Variants in PRRG1 observed in about 807,000 individuals in gnomAD.
PRRG1 encodes proline rich and Gla domain 1.
Under a neutral mutation model 11.8 loss-of-function variants are expected in PRRG1, and 5 were observed. The ratio of observed to expected loss-of-function variants is 0.42; its 90% CI spans 0.22 to 0.89. The LOEUF (loss-of-function observed/expected upper bound fraction) is 0.89. Ranked by LOEUF, PRRG1 falls within the 40% of genes least tolerant of loss-of-function variation. PRRG1 has a pLI of 0.28. For missense variants in PRRG1, 155 were observed against 166.1 expected (o/e 0.93, Z 0.37); for synonymous variants, 66 against 60.4 (o/e 1.09, Z -0.43).
chrX:37,391,755 ATTGT>A (rs1215464860), intron 1 of PRRG1, among the ~76,000 whole-genome samples: 1 of 112,201 alleles, frequency 8.9e-6, no homozygotes, highest in East Asian at 2.8e-4. Context: ...GGGCATCTAG[ATTGT>A]TTGATGTGGT....
At chrX:37,392,213 T>A (rs1329587907) in intron 1 of PRRG1, among the ~76,000 whole-genome samples, 1 of 111,867 alleles carries the variant, frequency 8.9e-6, no homozygotes, top group African/African-American at 3.2e-5. Flanking sequence ...TATTAAAATA[T>A]AGCCACACAC....
intron 2 of PRRG1, among the ~76,000 whole-genome samples, chrX:37,424,674 T>C (rs1932752994): frequency 1.8e-5 from 2 of 109,470 alleles, no homozygotes; most frequent in African/African-American, 3.3e-5. Context: ...GAAATACTCA[T>C]TGAAGGCCTA....
At chrX:37,446,940 A>C (rs1933088130) in intron 3 of PRRG1, among the ~76,000 whole-genome samples, 2 of 111,748 alleles carry the variant, frequency 1.8e-5, no homozygotes, top group South Asian at 7.8e-4. Flanking sequence ...CGAGAAGGAC[A>C]CCAAGACATT....
At chrX:37,406,482 G>C in intron 2 of PRRG1, among the ~76,000 whole-genome samples, 1 of 109,996 alleles carries the variant, frequency 9.1e-6, no homozygotes, top group Non-Finnish European at 1.9e-5. Flanking sequence ...TCCCAGTATA[G>C]GGAGAGATGG....
chrX:37,369,956 T>G lies in PRRG1; in HGVS notation c.-42+20561T>G, dbSNP rs978665346. ...GAACTGTGAGTCCATTAAACCTCTG[T>G]TTTTTTTTTTAATAAATTACCCAGT... On this transcript the variant is annotated intron_variant, in intron 1 of 3. Transcript: ENST00000378628. Among the ~76,000 whole-genome samples the G allele has an allele frequency of 6.5e-4, 67 of 103,141 alleles. 1 individual carries two copies. The highest frequency in any genetic ancestry group is 2.0e-3 in the African/African-American group (57 of 28,779). 89.6% of individuals were successfully genotyped at this position (103,141 alleles called of 115,157 possible).
At chrX:37,413,253 T>C (rs1358960402) in intron 2 of PRRG1, among the ~76,000 whole-genome samples, 3 of 110,834 alleles carry the variant, frequency 2.7e-5, no homozygotes, top group Non-Finnish European at 5.7e-5. Flanking sequence ...CATTATAGTA[T>C]TATACAGAGT....
intron 3 of PRRG1, among the ~76,000 whole-genome samples, chrX:37,439,799 T>TA (rs1932941964): frequency 9.9e-6 from 1 of 100,504 alleles, no homozygotes; most frequent in African/African-American, 3.8e-5. Context: ...AATTCTTTTT[T>TA]TTTTTTTTTT....
intron 1 of PRRG1, among the ~76,000 whole-genome samples, chrX:37,384,131 T>C (rs1931245043): frequency 9.0e-6 from 1 of 111,435 alleles, no homozygotes; most frequent in African/African-American, 3.3e-5. Context: ...TTTTCCTCTT[T>C]TGAGAAGGGT....
At chrX:37,424,867 A>G in intron 2 of PRRG1, among the ~76,000 whole-genome samples, 1 of 111,578 alleles carries the variant, frequency 9.0e-6, no homozygotes, top group African/African-American at 3.2e-5. Context: ...AAAGTTTTTC[A>G]TTTCCTTCAA....
At chrX:37,428,594 C>T (rs1932796674) in intron 3 of PRRG1, among the ~76,000 whole-genome samples, 1 of 112,329 alleles carries the variant, frequency 8.9e-6, no homozygotes, top group African/African-American at 3.2e-5. Context: ...TGTGGCTTTG[C>T]AGGGTACAGC....
intron 3 of PRRG1, among the ~76,000 whole-genome samples, chrX:37,432,198 C>T (rs1282589976): frequency 9.1e-6 from 1 of 109,456 alleles, no homozygotes; most frequent in African/African-American, 3.4e-5. Context: ...CGCCATTCTC[C>T]TGCCTCAGCC....
intron 1 of PRRG1, among the ~76,000 whole-genome samples, chrX:37,396,917 C>A (rs1438221725): frequency 8.9e-6 from 1 of 111,919 alleles, no homozygotes; most frequent in Non-Finnish European, 1.9e-5. Context: ...TCAGCAGCAC[C>A]CCTCTCCAGT....
At position 37,446,386 on chromosome X, in the gene PRRG1, G is replaced by A. The variant is rs139497421; in HGVS notation, c.172-6750G>A. 8.5e-3 allele frequency among the ~76,000 whole-genome samples: 955 copies of A among 111,906 alleles called. 7 individuals are homozygous for A. The highest frequency in any genetic ancestry group is 0.014 in the African/African-American group (437 of 30,820). Reference sequence around the variant, plus strand: ...CTTTAACTGGCTGCTATCTCAACCTGTAATTCATAGCCAGGATTCTAGAAT... The same window carrying A: ...CTTTAACTGGCTGCTATCTCAACCTATAATTCATAGCCAGGATTCTAGAAT... On this transcript the variant is annotated intron_variant, in intron 3 of 3. Transcript: ENST00000378628.
intron 1 of PRRG1, among the ~76,000 whole-genome samples, chrX:37,355,593 TGGAGCAGG>T (rs1443735252): frequency 9.0e-6 from 1 of 111,360 alleles, no homozygotes; most frequent in Non-Finnish European, 1.9e-5. Context: ...AATACAGTAC[TGGAGCAGG>T]AGAGCAGGAG....
intron 1 of PRRG1, among the ~76,000 whole-genome samples, chrX:37,376,562 T>C (rs1556372343): frequency 1.3e-5 from 1 of 75,267 alleles, no homozygotes; most frequent in African/African-American, 4.4e-5. Flanking sequence ...TATATATATA[T>C]ATATATATAT....
At chrX:37,375,317 A>T (rs986666848) in intron 1 of PRRG1, among the ~76,000 whole-genome samples, 7 of 111,387 alleles carry the variant, frequency 6.3e-5, no homozygotes, top group African/African-American at 2.3e-4. Context: ...GGAATTGGGC[A>T]TTTCCTTCTT....
intron 1 of PRRG1, among the ~76,000 whole-genome samples, chrX:37,395,299 C>T (rs782614358): frequency 3.6e-5 from 4 of 111,643 alleles, no homozygotes; most frequent in Admixed American, 1.9e-4. Context: ...TAAAAGCTCA[C>T]GCTTGTATGT....
At chrX:37,405,423 C>T (rs781893239) in intron 1 of PRRG1, among the ~76,000 whole-genome samples, 2 of 111,665 alleles carry the variant, frequency 1.8e-5, no homozygotes, top group Admixed American at 1.9e-4. Flanking sequence ...CTTTACCTTT[C>T]AGGCGCTTAG....
At chrX:37,451,858 C>G (rs1481640960) in intron 3 of PRRG1, among the ~76,000 whole-genome samples, 1 of 111,827 alleles carries the variant, frequency 8.9e-6, no homozygotes. Context: ...TTAGTTTGGA[C>G]CAAATTTGGT....
Sources: allele counts gnomAD v4.1 joint callset (sites outside exome capture counted in the v4.1 genomes callset), GRCh38; gene constraint gnomAD v4.1.1; transcripts MANE v1.5; gene names NCBI Gene and HGNC (gene_info 2026-07-23, HGNC 2026-07-21).